NPAS3: variants seen among roughly 807,000 people sequenced by gnomAD.
NPAS3 encodes neuronal PAS domain-containing protein 3.
A neutral mutation model predicts 73.1 loss-of-function variants in NPAS3; 14 were observed. That is an observed-to-expected ratio of 0.19 (90% CI 0.13 to 0.30). NPAS3 has a LOEUF of 0.30. Ranked by LOEUF, NPAS3 falls within the 10% of genes least tolerant of loss-of-function variation. The pLI is 1.00. For missense variants in NPAS3, 1,096 were observed against 1,250.0 expected (o/e 0.88, Z 1.86); for synonymous variants, 620 against 541.5 (o/e 1.14, Z -2.01).
At chr14:33,373,384 ATATGTG>A (rs951413230) in intron 4 of NPAS3, among the ~76,000 whole-genome samples, 2 of 108,990 alleles carry the variant, frequency 1.8e-5, no homozygotes, top group African/African-American at 3.7e-5. Context: ...ATATTGAACT[ATATGTG>A]TGTGTGTGTG....
chr14:33,356,241 T>G (rs1779510066), intron 3 of NPAS3, among the ~76,000 whole-genome samples: 1 of 152,240 alleles, frequency 6.6e-6, no homozygotes, highest in Non-Finnish European at 1.5e-5. Context: ...TAAAAATGAC[T>G]GGCTAGTGGC....
At chr14:33,249,672 A>G (rs567216550) in intron 3 of NPAS3, among the ~76,000 whole-genome samples, 34 of 152,162 alleles carry the variant, frequency 2.2e-4, no homozygotes, top group Admixed American at 2.1e-3. Flanking sequence ...AACCGCTTAC[A>G]TGTTCCTGTA....
chr14:33,543,946 C>CATATATATATATATAT (rs35154724), intron 4 of NPAS3, among the ~76,000 whole-genome samples: 1 of 104,940 alleles, frequency 9.5e-6, no homozygotes, highest in South Asian at 3.6e-4. Context: ...TGGCAAAGTG[C>CATATATATATATATAT]ATATATATAT....
intron 1 of NPAS3, among the ~76,000 whole-genome samples, chr14:33,046,459 G>A (rs1474919909): frequency 6.6e-6 from 1 of 152,132 alleles, no homozygotes; most frequent in Admixed American, 6.5e-5. Flanking sequence ...AGTTGGAGGA[G>A]GATACTGCAG....
intron 3 of NPAS3, among the ~76,000 whole-genome samples, chr14:33,259,542 T>A (rs2139945715): frequency 6.6e-6 from 1 of 152,350 alleles, no homozygotes; most frequent in South Asian, 2.1e-4. Context: ...ATAATCGCAC[T>A]CAATATTCAC....
At chr14:33,057,560 C>G (rs1365404128) in intron 2 of NPAS3, among the ~76,000 whole-genome samples, 1 of 152,116 alleles carries the variant, frequency 6.6e-6, no homozygotes, top group Non-Finnish European at 1.5e-5. Context: ...TTACTGTTGG[C>G]TTAGAGGCTG....
chr14:33,515,166 G>C (rs1452140134), intron 4 of NPAS3, among the ~76,000 whole-genome samples: 1 of 151,956 alleles, frequency 6.6e-6, no homozygotes, highest in Non-Finnish European at 1.5e-5. Context: ...CACATAGCAT[G>C]GCTACTTCCA....
intron 1 of NPAS3, among the ~76,000 whole-genome samples, chr14:33,029,199 A>G (rs558997235): frequency 5.3e-5 from 8 of 152,284 alleles, no homozygotes; most frequent in Admixed American, 3.3e-4. Flanking sequence ...GCACCACTGG[A>G]AAGACTGGCA....
chr14:33,660,373 T>C (rs1488047946), intron 5 of NPAS3, among the ~76,000 whole-genome samples: 9 of 152,204 alleles, frequency 5.9e-5, no homozygotes, highest in Non-Finnish European at 1.5e-5. Context: ...TCCTGAGGCT[T>C]CCTTGTTCTT....
At chr14:33,005,725 C>T (rs547202567) in intron 1 of NPAS3, among the ~76,000 whole-genome samples, 10 of 152,250 alleles carry the variant, frequency 6.6e-5, no homozygotes, top group South Asian at 2.1e-4. Context: ...GCTCCTTGGA[C>T]GTTACTTGGT....
chr14:33,525,509 A>G (rs1224103638), intron 4 of NPAS3, among the ~76,000 whole-genome samples: 1 of 152,208 alleles, frequency 6.6e-6, no homozygotes, highest in Admixed American at 6.5e-5. Context: ...CTTACCACCT[A>G]TAGTGTCAGA....
intron 2 of NPAS3, among the ~76,000 whole-genome samples, chr14:33,130,050 T>C (rs2139098665): frequency 1.3e-5 from 2 of 152,334 alleles, no homozygotes; most frequent in Middle Eastern, 6.8e-3. Context: ...ACAGAAGTGC[T>C]ACTGTTTGCT....
intron 9 of NPAS3, among the ~76,000 whole-genome samples, chr14:33,793,388 A>G (rs1442501407): frequency 6.6e-6 from 1 of 152,260 alleles, no homozygotes; most frequent in Non-Finnish European, 1.5e-5. Context: ...TCTGTTAGAC[A>G]AGATCAAAAG....
intron 2 of NPAS3, among the ~76,000 whole-genome samples, chr14:33,084,374 T>A (rs2041954921): frequency 6.6e-6 from 1 of 152,220 alleles, no homozygotes; most frequent in African/African-American, 2.4e-5. Flanking sequence ...ATGGGAACTT[T>A]CCTGAGGTCA....
upstream of NPAS3, chr14:32,939,309 G>T: frequency 1.5e-6 from 1 of 666,362 alleles, no homozygotes. Context: ...AAAAAAAATA[G>T]CAGGAAGATG....
intron 6 of NPAS3, among the ~76,000 whole-genome samples, chr14:33,691,064 A>G (rs1448526833): frequency 6.6e-6 from 1 of 152,226 alleles, no homozygotes; most frequent in African/African-American, 2.4e-5. Flanking sequence ...TCATCAAAAA[A>G]CACCCATCAA....
chr14:33,640,403 G>GTTCTGACAT (rs1393016625), intron 5 of NPAS3, among the ~76,000 whole-genome samples: 24 of 152,188 alleles, frequency 1.6e-4, no homozygotes, highest in Admixed American at 3.3e-4. Context: ...TTCACAATAT[G>GTTCTGACAT]TTCTGACATT....
intron 6 of NPAS3, among the ~76,000 whole-genome samples, chr14:33,677,108 C>CCTAGTTCATCA (rs1217958815): frequency 6.6e-6 from 1 of 152,110 alleles, no homozygotes; most frequent in Non-Finnish European, 1.5e-5. Flanking sequence ...CCATCAGTCC[C>CCTAGTTCATCA]CTAGTTCATC....
chr14:33,672,940 T>C (rs1302016724), intron 5 of NPAS3, among the ~76,000 whole-genome samples: 2 of 152,214 alleles, frequency 1.3e-5, no homozygotes, highest in Non-Finnish European at 2.9e-5. Context: ...GTATGAGAAA[T>C]GTTGAAAGTG....
Sources: allele counts gnomAD v4.1 joint callset (sites outside exome capture counted in the v4.1 genomes callset), GRCh38; gene constraint gnomAD v4.1.1; transcripts MANE v1.5; gene names NCBI Gene and HGNC (gene_info 2026-07-23, HGNC 2026-07-21).